The following SPOCK3 variants were observed in gnomAD, a reference collection of about 807,000 sequenced individuals.
SPOCK3 encodes testican-3.
A neutral mutation model predicts 56.6 loss-of-function variants in SPOCK3; 30 were observed. The observed-to-expected ratio is 0.53, with a 90% CI of 0.40 to 0.72. SPOCK3 has a LOEUF of 0.72. Ranked by LOEUF, SPOCK3 falls within the 30% of genes least tolerant of loss-of-function variation. SPOCK3 has a pLI of 0.00. For missense variants in SPOCK3, 527 were observed against 530.0 expected (o/e 0.99, Z 0.06); for synonymous variants, 196 against 183.3 (o/e 1.07, Z -0.56).
intron 7 of SPOCK3, among the ~76,000 whole-genome samples, chr4:166,786,910 A>T (rs1427220136): frequency 6.6e-6 from 1 of 152,086 alleles, no homozygotes; most frequent in East Asian, 1.9e-4. Flanking sequence ...AATTTTTAAG[A>T]TTATTTAAGG....
intron 6 of SPOCK3, among the ~76,000 whole-genome samples, chr4:166,837,764 C>T (rs534343502): frequency 8.7e-4 from 133 of 152,152 alleles, no homozygotes; most frequent in African/African-American, 3.2e-3. Context: ...TGTACCATGT[C>T]CTTTCTTCCT....
chr4:166,892,056 AT>A (rs1388669784), intron 5 of SPOCK3, among the ~76,000 whole-genome samples: 1 of 152,042 alleles, frequency 6.6e-6, no homozygotes, highest in Non-Finnish European at 1.5e-5. Context: ...TAGTTTATTA[AT>A]AACAGGAATC....
chr4:166,893,085 G>A (rs1291594743), intron 5 of SPOCK3, among the ~76,000 whole-genome samples: 1 of 152,014 alleles, frequency 6.6e-6, no homozygotes, highest in Non-Finnish European at 1.5e-5. Context: ...AAGGGAGAGT[G>A]ATTGTTTGGG....
intron 4 of SPOCK3, among the ~76,000 whole-genome samples, chr4:166,913,643 C>G (rs995191790): frequency 6.6e-6 from 1 of 151,904 alleles, no homozygotes; most frequent in Non-Finnish European, 1.5e-5. Context: ...ATGAATATGT[C>G]AAACCTACAA....
At chr4:166,815,159 T>G (rs1744252264) in intron 6 of SPOCK3, among the ~76,000 whole-genome samples, 1 of 152,022 alleles carries the variant, frequency 6.6e-6, no homozygotes, top group Non-Finnish European at 1.5e-5. Flanking sequence ...TCATGATAAT[T>G]TTTTTCTTTT....
intron 4 of SPOCK3, among the ~76,000 whole-genome samples, chr4:166,993,393 AATGCTAAAGG>A (rs1748013617): frequency 6.6e-6 from 1 of 152,176 alleles, no homozygotes; most frequent in South Asian, 2.1e-4. Context: ...GGACATAGGC[AATGCTAAAGG>A]ATGTAAAGCA....
intron 2 of SPOCK3, among the ~76,000 whole-genome samples, chr4:167,077,755 T>C (rs920349262): frequency 1.3e-5 from 2 of 151,962 alleles, no homozygotes; most frequent in Non-Finnish European, 1.5e-5. Flanking sequence ...ATATTACTAT[T>C]GGTAACCATT....
At chr4:166,894,380 A>T (rs969398479) in intron 5 of SPOCK3, among the ~76,000 whole-genome samples, 2 of 152,108 alleles carry the variant, frequency 1.3e-5, no homozygotes, top group African/African-American at 4.8e-5. Context: ...AACACTAGAG[A>T]TGTGAGCATA....
intron 4 of SPOCK3, among the ~76,000 whole-genome samples, chr4:166,962,472 T>C (rs1744244780): frequency 6.6e-6 from 1 of 152,092 alleles, no homozygotes; most frequent in Admixed American, 6.6e-5. Context: ...CTTTTTTCAG[T>C]GTTTGTATCG....
intron 4 of SPOCK3, among the ~76,000 whole-genome samples, chr4:166,995,412 G>C (rs1209565067): frequency 6.6e-6 from 1 of 151,862 alleles, no homozygotes; most frequent in African/African-American, 2.4e-5. Context: ...AAAAACTTTT[G>C]CAAACCTTCG....
intron 2 of SPOCK3, among the ~76,000 whole-genome samples, chr4:167,177,281 CAACT>C (rs749100322): frequency 9.2e-5 from 14 of 151,838 alleles, no homozygotes; most frequent in Non-Finnish European, 1.6e-4. Context: ...GACAGAGGGA[CAACT>C]AACAGCACTT....
At chr4:166,963,499 C>T (rs1579821518) in intron 4 of SPOCK3, among the ~76,000 whole-genome samples, 1 of 151,736 alleles carries the variant, frequency 6.6e-6, no homozygotes, top group East Asian at 1.9e-4. Context: ...TTAGTGTTAG[C>T]ACCGTAACAC....
chr4:166,942,994 C>G (rs1279321997), intron 4 of SPOCK3, among the ~76,000 whole-genome samples: 1 of 151,860 alleles, frequency 6.6e-6, no homozygotes, highest in Non-Finnish European at 1.5e-5. Flanking sequence ...TTCTTCCATA[C>G]CAGGAAAGAA....
intron 2 of SPOCK3, among the ~76,000 whole-genome samples, chr4:167,130,557 T>G (rs1259026428): frequency 6.6e-6 from 1 of 152,164 alleles, no homozygotes; most frequent in Non-Finnish European, 1.5e-5. Flanking sequence ...AAATACTATT[T>G]AATTTAGATG....
chr4:166,972,135 C>A (rs754484160), intron 4 of SPOCK3, among the ~76,000 whole-genome samples: 2 of 152,134 alleles, frequency 1.3e-5, no homozygotes, highest in Non-Finnish European at 2.9e-5. Flanking sequence ...ACTTCCTGTG[C>A]AAACAAACAC....
chr4:167,069,577 C>A (rs577867642), intron 2 of SPOCK3, among the ~76,000 whole-genome samples: 1 of 151,562 alleles, frequency 6.6e-6, no homozygotes, highest in Non-Finnish European at 1.5e-5. Flanking sequence ...CCAGGCCATA[C>A]AATTAGTCAA....
chr4:167,230,927 T>C (rs1402154219), intron 2 of SPOCK3, among the ~76,000 whole-genome samples: 3 of 152,212 alleles, frequency 2.0e-5, no homozygotes, highest in Admixed American at 1.3e-4. Context: ...CACCTACTCA[T>C]TGCAAGCTTG....
chr4:167,147,122 AG>A (rs780302993), intron 2 of SPOCK3, among the ~76,000 whole-genome samples: 1 of 152,202 alleles, frequency 6.6e-6, no homozygotes. Context: ...AAAATGATAA[AG>A]GGGATATCAC....
At chr4:166,781,523 T>A (rs1393866439) in intron 7 of SPOCK3, among the ~76,000 whole-genome samples, 2 of 151,992 alleles carry the variant, frequency 1.3e-5, no homozygotes, top group Non-Finnish European at 2.9e-5. Context: ...GCTGTGGTTA[T>A]TATCAAACAA....
Sources: allele counts gnomAD v4.1 joint callset (sites outside exome capture counted in the v4.1 genomes callset), GRCh38; gene constraint gnomAD v4.1.1; transcripts MANE v1.5; gene names NCBI Gene and HGNC (gene_info 2026-07-23, HGNC 2026-07-21).